The following SLC35F1 variants were observed in gnomAD, a reference collection of about 807,000 sequenced individuals.
SLC35F1 encodes the protein solute carrier family 35 member F1, also known as chromosome 6 open reading frame 169.
SLC35F1 carries 14 observed loss-of-function variants against 48.7 expected under a neutral mutation model. The observed-to-expected ratio is 0.29, with a 90% CI of 0.19 to 0.45. The LOEUF is 0.45. SLC35F1 is among the 20% of genes least tolerant of loss of function. The pLI is 1.00. For missense variants in SLC35F1, 404 were observed against 500.0 expected, an observed-to-expected ratio of 0.81 and a Z score of 1.83; for synonymous variants, 190 against 202.2, an observed-to-expected ratio of 0.94 and a Z score of 0.51.
Position 118,285,199 on chromosome 6 carries a change from G to T in SLC35F1, c.863G>T (p.Gly288Val), listed in dbSNP as rs368115524. The T allele has an allele frequency of 3.1e-6, 5 of 1,613,644 alleles. No homozygotes were observed. In the African/African-American group the frequency reaches 6.7e-5, roughly 22 times the overall value. ...WDWQIGLLYVGFSACMFGLYS... is the reference protein window; with the variant it reads ...WDWQIGLLYVVFSACMFGLYS... ...CTTCCCCCAGGACTGCTCTACGTTGGCTTTAGTGCCTGCATGTTTGGTCTC... is the reference window on the plus strand; with the variant it reads ...CTTCCCCCAGGACTGCTCTACGTTGTCTTTAGTGCCTGCATGTTTGGTCTC... Residue 288 changes from glycine to valine, a missense_variant, in exon 7 of 8, where the codon GGC (glycine) becomes GTC (valine). Physicochemically the swap from Gly to Val is moderately radical, Grantham distance 109 (BLOSUM62 -3). Around this residue, in one of 2 missense-constraint regions of SLC35F1, gnomAD observed 306 missense variants for 419.1 expected, o/e 0.73. Coordinates refer to ENST00000360388, the MANE Select transcript of SLC35F1 (RefSeq NM_001029858.4).
chr6:118,129,293 A>G (rs62423671), intron 1 of SLC35F1, among the ~76,000 whole-genome samples: 22,333 of 152,136 alleles, frequency 0.15, 1,712 homozygotes, highest in South Asian at 0.32. Flanking sequence ...AAGGAAGAGA[A>G]TGGGGTGAGT....
intron 2 of SLC35F1, among the ~76,000 whole-genome samples, chr6:118,185,602 C>T (rs1166849472): frequency 2.0e-5 from 3 of 152,046 alleles, no homozygotes; most frequent in African/African-American, 7.2e-5. Context: ...AGTGTAGGCA[C>T]TCCTTTATAA....
intron 1 of SLC35F1, among the ~76,000 whole-genome samples, chr6:117,959,685 A>G (rs1388392493): frequency 6.6e-6 from 1 of 152,202 alleles, no homozygotes; most frequent in African/African-American, 2.4e-5. Context: ...GCACAATGGC[A>G]TTTGAAATTC....
chr6:118,244,667 G>A (rs955795913), intron 3 of SLC35F1, among the ~76,000 whole-genome samples: 3 of 152,114 alleles, frequency 2.0e-5, no homozygotes, highest in Non-Finnish European at 4.4e-5. Context: ...TTTTCTTATA[G>A]TAACTGTCAC....
chr6:118,014,924 A>T (rs1009920002), intron 1 of SLC35F1, among the ~76,000 whole-genome samples: 2 of 152,108 alleles, frequency 1.3e-5, no homozygotes, highest in South Asian at 4.1e-4. Flanking sequence ...TCCCCACCCA[A>T]ATCTCATCTT....
chr6:118,018,730 GC>G (rs745561557), intron 1 of SLC35F1, among the ~76,000 whole-genome samples: 4 of 152,224 alleles, frequency 2.6e-5, no homozygotes, highest in South Asian at 2.1e-4. Flanking sequence ...ATCTGCTACT[GC>G]CCCCATAGAG....
At chr6:117,933,951 C>G (rs1776133608) in intron 1 of SLC35F1, among the ~76,000 whole-genome samples, 1 of 151,864 alleles carries the variant, frequency 6.6e-6, no homozygotes, top group Non-Finnish European at 1.5e-5. Flanking sequence ...CAGTGGACCA[C>G]TGATTTCCAT....
At chr6:118,075,863 G>A (rs1273317283) in intron 1 of SLC35F1, among the ~76,000 whole-genome samples, 1 of 152,190 alleles carries the variant, frequency 6.6e-6, no homozygotes, top group East Asian at 1.9e-4. Flanking sequence ...CCCACACAGT[G>A]TTGTTCTTTT....
chr6:118,048,000 A>G (rs1334098505), intron 1 of SLC35F1, among the ~76,000 whole-genome samples: 1 of 152,136 alleles, frequency 6.6e-6, no homozygotes, highest in Non-Finnish European at 1.5e-5. Flanking sequence ...CCCATTCAGT[A>G]TGATATTGGC....
At chr6:118,162,853 C>T (rs1351735134) in intron 2 of SLC35F1, among the ~76,000 whole-genome samples, 2 of 152,192 alleles carry the variant, frequency 1.3e-5, no homozygotes, top group South Asian at 2.1e-4. Flanking sequence ...GCTTACAGTG[C>T]TTACAGGGTG....
chr6:118,004,557 A>G (rs1777149131), intron 1 of SLC35F1, among the ~76,000 whole-genome samples: 1 of 152,000 alleles, frequency 6.6e-6, no homozygotes, highest in Non-Finnish European at 1.5e-5. Context: ...CTTGTTTTCA[A>G]TTTTTTTATT....
intron 1 of SLC35F1, among the ~76,000 whole-genome samples, chr6:117,961,735 C>T (rs941607485): frequency 2.0e-5 from 3 of 152,138 alleles, no homozygotes; most frequent in African/African-American, 7.2e-5. Flanking sequence ...TGTAATGTTT[C>T]CCAGTAATCC....
chr6:118,191,210 G>A (rs1377453347), intron 2 of SLC35F1, among the ~76,000 whole-genome samples: 2 of 152,104 alleles, frequency 1.3e-5, no homozygotes, highest in African/African-American at 2.4e-5. Context: ...TACCATTAAA[G>A]TTTCTCACCT....
chr6:117,928,804 T>C (rs544967244), intron 1 of SLC35F1, among the ~76,000 whole-genome samples: 10 of 152,254 alleles, frequency 6.6e-5, no homozygotes, highest in Non-Finnish European at 1.2e-4. Context: ...TCTGCAGTTA[T>C]GGCTCATGTC....
chr6:118,114,561 A>G (rs1773451721), intron 1 of SLC35F1, among the ~76,000 whole-genome samples: 1 of 151,720 alleles, frequency 6.6e-6, no homozygotes, highest in Non-Finnish European at 1.5e-5. Flanking sequence ...TATTTTTAGT[A>G]AAGATGGGCT....
intron 1 of SLC35F1, among the ~76,000 whole-genome samples, chr6:118,131,119 C>T (rs1773703728): frequency 6.6e-6 from 1 of 152,054 alleles, no homozygotes; most frequent in South Asian, 2.1e-4. Flanking sequence ...CAAACACACA[C>T]GAGTTTTTTA....
chr6:118,012,916 A>ATT lies in SLC35F1; in HGVS notation c.173+105026_173+105027dup, dbSNP rs61550083. 4.0e-5 allele frequency among the ~76,000 whole-genome samples: 6 copies of ATT among 150,868 alleles called. No individual in the cohort carries two copies. The South Asian group carries it at 1.3e-3, about 32-fold the overall frequency. ...GTTACTTGGAATTTGGATAGATGTGATTTTTTTTTTCTTTTTGAGCAATTT... is the reference window on the plus strand; with the variant it reads ...GTTACTTGGAATTTGGATAGATGTGATTTTTTTTTTTTCTTTTTGAGCAATTT... On this transcript the variant is annotated intron_variant, in intron 1 of 7. Transcript: ENST00000360388.
At chr6:118,246,146 AG>A (rs1397128137) in intron 3 of SLC35F1, among the ~76,000 whole-genome samples, 4 of 152,200 alleles carry the variant, frequency 2.6e-5, no homozygotes, top group African/African-American at 9.6e-5. Flanking sequence ...TATGGTTGGC[AG>A]TATGGATTAT....
intron 1 of SLC35F1, among the ~76,000 whole-genome samples, chr6:117,934,001 G>A (rs1312634988): frequency 6.6e-6 from 1 of 152,022 alleles, no homozygotes; most frequent in Admixed American, 6.6e-5. Flanking sequence ...TTGGAAAGTT[G>A]GCTGTTGATC....
Sources: gnomAD v4.1 joint callset for allele counts (sites outside exome capture counted in the v4.1 genomes callset) on GRCh38, gnomAD v4.1.1 for gene constraint, gnomAD v4.1.1 regional missense constraint, MANE v1.5 for transcripts, NCBI Gene and HGNC (gene_info 2026-07-23, HGNC 2026-07-21) for gene names.